LRRC8C: variants seen among roughly 807,000 people sequenced by gnomAD.
The protein encoded by LRRC8C is leucine rich repeat containing 8 VRAC subunit C.
In LRRC8C, 20 loss-of-function variants were observed where a neutral mutation model predicts 55.3. That is an observed-to-expected ratio of 0.36 (90% CI 0.25 to 0.53). LRRC8C has a LOEUF of 0.53. LRRC8C is among the 20% of genes least tolerant of loss of function. The pLI is 0.92. For synonymous variants in LRRC8C, 376 were observed against 360.7 expected, an observed-to-expected ratio of 1.04 and a Z score of -0.48; for missense variants, 659 against 951.4, an observed-to-expected ratio of 0.69 and a Z score of 4.04.
the LRRC8C span, among the ~76,000 whole-genome samples, chr1:89,619,407 A>G: frequency 6.6e-6 from 1 of 150,456 alleles, no homozygotes; most frequent in African/African-American, 2.4e-5. Context: ...AAAATTTATC[A>G]ATTTTAATAA....
chr1:89,644,848 A>G (rs547250290), intron 1 of LRRC8C, among the ~76,000 whole-genome samples: 3 of 152,334 alleles, frequency 2.0e-5, no homozygotes, highest in Admixed American at 6.5e-5. Context: ...TTGAGCAGAC[A>G]TTTTAGCTGC....
rs1236796542 is a variant in LRRC8C at position 89,709,709 on chromosome 1, GT to G, written c.139-2993del. 4.1e-5 allele frequency among the ~76,000 whole-genome samples: 6 copies of G among 147,534 alleles called. No homozygotes were observed. In the South Asian group the frequency reaches 1.1e-3, roughly 27 times the overall value. ...TCTTGCTTTTACCTGATTCCTCTGT[GT>G]TTTTTTGTTTTGTTTTGTTTTTTGT... On this transcript the variant is annotated intron_variant, in intron 2 of 2. Transcript: ENST00000370454.
At chr1:89,616,500 C>G in the LRRC8C span, among the ~76,000 whole-genome samples, 7 of 152,280 alleles carry the variant, frequency 4.6e-5, no homozygotes, top group South Asian at 1.2e-3. Context: ...AAAGAGATAA[C>G]ATTGAAGAAG....
At chr1:89,711,620 T>C (rs974985796) in intron 2 of LRRC8C, among the ~76,000 whole-genome samples, 2 of 152,240 alleles carry the variant, frequency 1.3e-5, no homozygotes, top group Non-Finnish European at 2.9e-5. Context: ...GTTTATTCAA[T>C]GTGTATTCTG....
At chr1:89,676,797 A>T (rs894792586) in intron 1 of LRRC8C, among the ~76,000 whole-genome samples, 1 of 152,212 alleles carries the variant, frequency 6.6e-6, no homozygotes, top group Non-Finnish European at 1.5e-5. Flanking sequence ...GTTTCAATTC[A>T]TATTTTTATA....
intron 2 of LRRC8C, among the ~76,000 whole-genome samples, chr1:89,690,648 A>G (rs1415184673): frequency 1.3e-5 from 2 of 152,360 alleles, no homozygotes; most frequent in Admixed American, 1.3e-4. Context: ...TATAATGAGC[A>G]TCATTTAGGA....
chr1:89,710,204 G>A (rs1055472962), intron 2 of LRRC8C, among the ~76,000 whole-genome samples: 15 of 152,136 alleles, frequency 9.9e-5, no homozygotes, highest in Non-Finnish European at 2.1e-4. Context: ...CATTAAATGA[G>A]ATCATGAACA....
intron 1 of LRRC8C, among the ~76,000 whole-genome samples, chr1:89,664,094 T>G (rs1191948615): frequency 6.6e-6 from 1 of 152,086 alleles, no homozygotes; most frequent in East Asian, 1.9e-4. Flanking sequence ...CTGATAACAG[T>G]TTTGTTTGTT....
intron 2 of LRRC8C, among the ~76,000 whole-genome samples, chr1:89,711,356 G>A (rs1047732982): frequency 2.0e-5 from 3 of 152,274 alleles, no homozygotes; most frequent in African/African-American, 2.4e-5. Flanking sequence ...TTTACAACGG[G>A]TTCAGTTTCT....
intron 1 of LRRC8C, among the ~76,000 whole-genome samples, chr1:89,645,929 G>A (rs182094635): frequency 6.7e-6 from 1 of 149,502 alleles, no homozygotes; most frequent in East Asian, 2.0e-4. Context: ...AGCTAAAGCA[G>A]GGCATAGGTA....
At chr1:89,704,965 C>T (rs1337046229) in intron 2 of LRRC8C, among the ~76,000 whole-genome samples, 1 of 151,848 alleles carries the variant, frequency 6.6e-6, no homozygotes, top group Non-Finnish European at 1.5e-5. Flanking sequence ...TATAAAGACA[C>T]ATGCACACGT....
At chr1:89,616,722 C>G in the LRRC8C span, among the ~76,000 whole-genome samples, 865 of 152,216 alleles carry the variant, frequency 5.7e-3, 16 homozygotes, top group Non-Finnish European at 3.9e-3. Flanking sequence ...TAGATGGAAA[C>G]TAGGCAGTAA....
chr1:89,634,377 CT>C (rs765092837), intron 1 of LRRC8C, among the ~76,000 whole-genome samples: 16 of 152,264 alleles, frequency 1.1e-4, no homozygotes, highest in Non-Finnish European at 2.4e-4. Context: ...TTAAAGCAGC[CT>C]TTGAAGGAAG....
chr1:89,678,429 G>A (rs116079817), intron 1 of LRRC8C, among the ~76,000 whole-genome samples: 1,573 of 152,296 alleles, frequency 0.01, 40 homozygotes, highest in African/African-American at 0.036. Context: ...GGCCGGGCAT[G>A]GTGGCCCCTG....
At chr1:89,617,256 A>G in the LRRC8C span, among the ~76,000 whole-genome samples, 1 of 152,170 alleles carries the variant, frequency 6.6e-6, no homozygotes, top group South Asian at 2.1e-4. Flanking sequence ...CAGAGAAACT[A>G]AGTGATGAAG....
chr1:89,676,567 C>T (rs189512044), intron 1 of LRRC8C, among the ~76,000 whole-genome samples: 3 of 152,170 alleles, frequency 2.0e-5, no homozygotes, highest in African/African-American at 7.2e-5. Flanking sequence ...ACAAAATGCT[C>T]GATTGGGTGT....
At chr1:89,651,549 C>A (rs562222854) in intron 1 of LRRC8C, among the ~76,000 whole-genome samples, 472 of 117,012 alleles carry the variant, frequency 4.0e-3, no homozygotes, top group Non-Finnish European at 5.7e-3. Context: ...GTCTCGGTGA[C>A]AGAGCGAGAC....
the LRRC8C span, among the ~76,000 whole-genome samples, chr1:89,618,363 T>A: frequency 1.1e-3 from 175 of 152,338 alleles, no homozygotes; most frequent in African/African-American, 4.0e-3. Flanking sequence ...TTACAAACCA[T>A]GCAGGATTCG....
intron 1 of LRRC8C, among the ~76,000 whole-genome samples, chr1:89,680,185 C>T (rs905563409): frequency 1.3e-5 from 2 of 151,494 alleles, no homozygotes; most frequent in Non-Finnish European, 2.9e-5. Context: ...TCACACCATT[C>T]TCCTGTCTCA....
Sources: gnomAD v4.1 joint callset for allele counts (sites outside exome capture counted in the v4.1 genomes callset) on GRCh38, gnomAD v4.1.1 for gene constraint, MANE v1.5 for transcripts, NCBI Gene and HGNC (gene_info 2026-07-23, HGNC 2026-07-21) for gene names.